The following PLD1 variants were observed in gnomAD, a reference collection of about 807,000 sequenced individuals.
PLD1 encodes phospholipase D1.
A neutral mutation model predicts 137.1 loss-of-function variants in PLD1; 112 were observed. The observed-to-expected ratio is 0.82, with a 90% confidence interval of 0.70 to 0.96. The LOEUF is 0.96. PLD1 is among the 40% of genes least tolerant of loss of function. The pLI is 0.00. For missense variants in PLD1, 1,321 were observed against 1,342.0 expected (o/e 0.98, Z 0.24); for synonymous variants, 431 against 454.7 (o/e 0.95, Z 0.66).
At chr3:171,726,950 A>G (rs1376221704) in intron 6 of PLD1, among the ~76,000 whole-genome samples, 1 of 152,184 alleles carries the variant, frequency 6.6e-6, no homozygotes, top group African/African-American at 2.4e-5. Flanking sequence ...CATACATTCC[A>G]TTTTGCATCT....
At position 171,644,918 on chromosome 3, in the gene PLD1, G is replaced by T. The variant is rs2108380501; in HGVS notation, c.2535C>A (p.Phe845Leu). 6.2e-7 allele frequency: 1 copy of T among 1,602,940 alleles called. No individual in the cohort carries two copies. Among genetic ancestry groups the T allele is most frequent in the Non-Finnish European group, 8.5e-7 (1 of 1,169,760 alleles). Reference sequence around the variant, plus strand: ...ATTTAGAGTTTTGGCACCTGTAGTTGAAGTGCATGATTGCCTGTAGAGCAT... The same window carrying T: ...ATTTAGAGTTTTGGCACCTGTAGTTTAAGTGCATGATTGCCTGTAGAGCAT... ...GGNALQAIMHFNYRTMCRGEN... is the reference protein window; with the variant it reads ...GGNALQAIMHLNYRTMCRGEN... The change falls in exon 22 of 27, where the codon TTC becomes TTA. Residue 845 changes from phenylalanine (F) to leucine (L), a missense_variant. Phe to Leu is a conservative substitution (Grantham distance 22). Transcript: ENST00000351298.
intron 3 of PLD1, among the ~76,000 whole-genome samples, chr3:171,735,914 C>T (rs766394605): frequency 6.6e-5 from 10 of 152,178 alleles, no homozygotes; most frequent in Admixed American, 2.0e-4. Context: ...TATGCATCCA[C>T]GCACACACAC....
At chr3:171,710,374 C>T (rs1160673893) in intron 9 of PLD1, among the ~76,000 whole-genome samples, 1 of 152,154 alleles carries the variant, frequency 6.6e-6, no homozygotes, top group Non-Finnish European at 1.5e-5. Context: ...CAGGGACAGG[C>T]TTGTGGAAGG....
rs59002755 is a variant in PLD1 at position 171,792,446 on chromosome 3, C to A, written c.-32+17953G>T. Reference sequence around the variant, plus strand: ...TCTGGGAATGCAGATGGATCAGGGGCCCCTGGCCATCCATCAGGCATTCAG... The same window carrying A: ...TCTGGGAATGCAGATGGATCAGGGGACCCTGGCCATCCATCAGGCATTCAG... On this transcript the variant is annotated intron_variant, in intron 1 of 26. Coordinates refer to ENST00000351298, the MANE Select transcript of PLD1 (RefSeq NM_002662.5). The A allele has an allele frequency of 2.3e-3, 873 of 377,498 alleles. 11 individuals carry two copies. Among genetic ancestry groups the A allele is most frequent in the African/African-American group, 0.017 (829 of 47,466 alleles). The allele number at this position is 377,498 out of a possible 1,614,324, so 23.4% of individuals were successfully genotyped here.
intron 23 of PLD1, among the ~76,000 whole-genome samples, chr3:171,637,049 G>C (rs368161811): frequency 2.0e-5 from 3 of 152,204 alleles, no homozygotes; most frequent in South Asian, 4.2e-4. Context: ...TTTGTCCTTT[G>C]TTCTATTAAC....
At chr3:171,775,500 T>C (rs1193366739) in intron 1 of PLD1, among the ~76,000 whole-genome samples, 1 of 152,118 alleles carries the variant, frequency 6.6e-6, no homozygotes, top group East Asian at 1.9e-4. Flanking sequence ...TTAATTAGAA[T>C]GTCAAAGAGG....
chr3:171,770,118 G>A (rs560129468), intron 1 of PLD1, among the ~76,000 whole-genome samples: 2 of 152,186 alleles, frequency 1.3e-5, no homozygotes, highest in Admixed American at 1.3e-4. Context: ...CTTTCTCTGT[G>A]CTTAATTATA....
At position 171,686,742 on chromosome 3, in the gene PLD1, A is replaced by G; in HGVS notation, c.1810T>C (p.Phe604Leu). The change falls in exon 16 of 27, where the codon TTC (phenylalanine) becomes CTC (leucine). Residue 604 changes from phenylalanine (F) to leucine (L), a missense_variant. Transcript: ENST00000351298. ...HNLIHGLKPH[F>L]KLFHPSSESE... ...TCACTGGACGGGTGAAAGAGTTTGA[A>G]GTGGGGTTTTAAACCATGGATTAAA... is the stretch of plus-strand genomic sequence containing the variant. 1.2e-6 allele frequency: 2 copies of G among 1,610,068 alleles called. No homozygotes were observed. The highest frequency in any genetic ancestry group is 2.2e-5 in the East Asian group (1 of 44,856).
intron 1 of PLD1, among the ~76,000 whole-genome samples, chr3:171,783,953 C>T (rs1326674341): frequency 6.6e-6 from 1 of 152,170 alleles, no homozygotes; most frequent in Non-Finnish European, 1.5e-5. Context: ...AGCCCACCCT[C>T]TTAACTGTAA....
intron 16 of PLD1, among the ~76,000 whole-genome samples, chr3:171,679,363 C>T (rs989476044): frequency 6.6e-6 from 1 of 152,192 alleles, no homozygotes; most frequent in Non-Finnish European, 1.5e-5. Context: ...CTATTGACTT[C>T]TCCCAGTGAT....
intron 4 of PLD1, 50 bp from the exon 5 acceptor site, chr3:171,735,020 CTATGACTTTAG>C: frequency 9.8e-7 from 1 of 1,025,534 alleles, no homozygotes. Flanking sequence ...TATTCTGTGA[CTATGACTTTAG>C]TATGTCTTTC....
At position 171,670,074 on chromosome 3, in the gene PLD1, C is replaced by A. The variant is rs371869759; in HGVS notation, c.2229+4426G>T. Among the ~76,000 whole-genome samples, 11 of 152,258 alleles carry A rather than the reference C, an allele frequency of 7.2e-5. No individual in the cohort carries two copies. In the South Asian group the frequency reaches 8.3e-4, roughly 12 times the overall value. ...ATATGTGGAAGCTTAAAAAGTCAAT[C>A]TCATGCAAGTAGATAGTAGAATGAT... is the stretch of plus-strand genomic sequence containing the variant. On this transcript the variant is annotated intron_variant, in intron 19 of 26. Coordinates refer to ENST00000351298, the MANE Select transcript of PLD1 (RefSeq NM_002662.5).
intron 25 of PLD1, 65 bp from the exon 26 acceptor site, chr3:171,605,481 C>A (rs1732134124): frequency 2.3e-6 from 2 of 855,830 alleles, no homozygotes; most frequent in Non-Finnish European, 4.1e-6. Context: ...GGATATATGT[C>A]TATTATATCT....
intron 7 of PLD1, among the ~76,000 whole-genome samples, chr3:171,725,372 C>T (rs1236538967): frequency 1.3e-5 from 2 of 152,140 alleles, no homozygotes; most frequent in East Asian, 3.9e-4. Flanking sequence ...ACACCCAGTT[C>T]TAGCAAACTA....
At chr3:171,679,722 C>T (rs577302401) in intron 16 of PLD1, among the ~76,000 whole-genome samples, 17 of 152,170 alleles carry the variant, frequency 1.1e-4, no homozygotes, top group Non-Finnish European at 1.9e-4. Flanking sequence ...TCAACCTGCT[C>T]ATAATTCAAA....
At chr3:171,765,133 T>C (rs901428000) in intron 1 of PLD1, 1 of 152,152 alleles carries the variant, frequency 6.6e-6, no homozygotes, top group African/African-American at 2.4e-5. Flanking sequence ...ACTATAGTTA[T>C]GGTCACACAA....
At chr3:171,719,641 T>C (rs527527124) in intron 8 of PLD1, among the ~76,000 whole-genome samples, 2 of 152,376 alleles carry the variant, frequency 1.3e-5, no homozygotes, top group South Asian at 4.1e-4. Flanking sequence ...ATTACTTTTG[T>C]ACCACCCTAA....
At chr3:171,648,958 A>AT (rs1736498431) in intron 21 of PLD1, among the ~76,000 whole-genome samples, 2 of 151,956 alleles carry the variant, frequency 1.3e-5, no homozygotes, top group African/African-American at 4.8e-5. Flanking sequence ...ATTGCTTCTA[A>AT]TTTTTTTTCT....
intron 19 of PLD1, among the ~76,000 whole-genome samples, chr3:171,666,559 T>C (rs934126271): frequency 2.0e-5 from 3 of 152,230 alleles, no homozygotes; most frequent in African/African-American, 4.8e-5. Flanking sequence ...GATTTCCTTT[T>C]GTTTTATTTT....
Sources: gnomAD v4.1 joint callset for allele counts (sites outside exome capture counted in the v4.1 genomes callset) on GRCh38, gnomAD v4.1.1 for gene constraint, MANE v1.5 for transcripts, NCBI Gene and HGNC (gene_info 2026-07-23, HGNC 2026-07-21) for gene names.